SLC33A2: variants seen among roughly 807,000 people sequenced by gnomAD.
SLC33A2 encodes major facilitator superfamily domain containing 3.
At chr8:144,510,357 A>C in the SLC33A2 span, 1 of 1,611,580 alleles carries the variant, frequency 6.2e-7, no homozygotes, top group Non-Finnish European at 8.5e-7. Flanking sequence ...CCCACCACCC[A>C]AGGTGAGCAG....
At chr8:144,509,823 C>A in the SLC33A2 span, 7 of 1,539,372 alleles carry the variant, frequency 4.5e-6, no homozygotes, top group Admixed American at 1.2e-4. Flanking sequence ...CTTCTCGTGG[C>A]CGCAACTCTT....
chr8:144,511,072 G>T, the SLC33A2 span: 1 of 1,608,280 alleles, frequency 6.2e-7, no homozygotes. Flanking sequence ...CCTGGCTGAT[G>T]GGTTGGGGCC....
At chr8:144,509,683 T>C in the SLC33A2 span, 1 of 1,560,414 alleles carries the variant, frequency 6.4e-7, no homozygotes, top group Non-Finnish European at 8.6e-7. Context: ...ATGCAGGATG[T>C]GGCCCTGGAC....
the SLC33A2 span, chr8:144,509,182 C>G: frequency 2.9e-5 from 22 of 757,020 alleles, 1 homozygote; most frequent in Admixed American, 6.9e-4. Flanking sequence ...GAGCACGTGT[C>G]CAGACCCTAG....
At chr8:144,510,108 C>A in the SLC33A2 span, 4 of 1,428,008 alleles carry the variant, frequency 2.8e-6, no homozygotes, top group Non-Finnish European at 3.8e-6. Context: ...TACAGGGCCA[C>A]GCTCTTTCTG....
chr8:144,510,707 G>T, the SLC33A2 span: 2 of 1,578,448 alleles, frequency 1.3e-6, no homozygotes, highest in South Asian at 2.3e-5. Flanking sequence ...CATGGACGCT[G>T]GCACAATCTT....
At chr8:144,510,348 C>G in the SLC33A2 span, 90 of 1,611,132 alleles carry the variant, frequency 5.6e-5, no homozygotes, top group Middle Eastern at 3.6e-4. Flanking sequence ...CATGCCCCCC[C>G]CACCACCCAA....
chr8:144,510,746 A>G, the SLC33A2 span: 3 of 1,603,472 alleles, frequency 1.9e-6, no homozygotes, highest in Middle Eastern at 1.7e-4. Context: ...CTTGAGGAGG[A>G]AGAGAGGGGC....
chr8:144,510,813 A>G, the SLC33A2 span: 10 of 1,611,404 alleles, frequency 6.2e-6, no homozygotes, highest in East Asian at 1.6e-4. Flanking sequence ...TGCTGAGCCT[A>G]TGTCTGCAGC....
chr8:144,509,440 C>G, the SLC33A2 span: 1 of 1,533,072 alleles, frequency 6.5e-7, no homozygotes, highest in Non-Finnish European at 8.7e-7. Context: ...GGCGGCCTCT[C>G]GCTGACGCGC....
At chr8:144,510,290 C>T in the SLC33A2 span, 2 of 1,590,476 alleles carry the variant, frequency 1.3e-6, no homozygotes, top group East Asian at 2.2e-5. Flanking sequence ...GACTGAGGGC[C>T]CAGGTGGGGA....
chr8:144,510,112 C>G, the SLC33A2 span: 6 of 1,416,002 alleles, frequency 4.2e-6, no homozygotes, highest in African/African-American at 5.7e-5. Flanking sequence ...GGGCCACGCT[C>G]TTTCTGGGGT....
chr8:144,510,051 G>A, the SLC33A2 span: 1 of 1,572,262 alleles, frequency 6.4e-7, no homozygotes, highest in East Asian at 2.3e-5. Flanking sequence ...CAGCAGTTGG[G>A]GCTTCCGGGA....
chr8:144,510,030 G>C, the SLC33A2 span: 5 of 1,587,286 alleles, frequency 3.2e-6, no homozygotes, highest in Non-Finnish European at 4.3e-6. Context: ...GTGAGGCCTC[G>C]AGCCAGGCAA....
chr8:144,509,803 T>C, the SLC33A2 span: 2 of 1,544,742 alleles, frequency 1.3e-6, no homozygotes, highest in Non-Finnish European at 1.7e-6. Context: ...CTGCTGGCGC[T>C]GCTGCCCACC....
chr8:144,510,860 C>T, the SLC33A2 span: 4 of 1,609,918 alleles, frequency 2.5e-6, no homozygotes, highest in Non-Finnish European at 2.5e-6. Flanking sequence ...GTCACCTTCA[C>T]TGGGATGATG....
chr8:144,510,129 T>C, the SLC33A2 span: 21 of 1,360,454 alleles, frequency 1.5e-5, no homozygotes, highest in Non-Finnish European at 1.8e-5. Flanking sequence ...GGGTATGACC[T>C]GCAAGACTTG....
At chr8:144,510,220 G>A in the SLC33A2 span, 3 of 1,394,780 alleles carry the variant, frequency 2.2e-6, no homozygotes, top group East Asian at 4.9e-5. Flanking sequence ...GCGCTCTCTC[G>A]GGCTGCCCCA....
the SLC33A2 span, chr8:144,509,200 G>T: frequency 3.3e-6 from 3 of 907,214 alleles, no homozygotes; most frequent in Non-Finnish European, 4.7e-6. Flanking sequence ...TAGCCTGTAC[G>T]ACGCTGACTC....
Sources: gnomAD v4.1 joint callset for allele counts on GRCh38, gnomAD v4.1.1 for gene constraint, MANE v1.5 for transcripts, NCBI Gene and HGNC (gene_info 2026-07-23, HGNC 2026-07-21) for gene names.